Variants in TRMT44 observed in about 807,000 individuals in gnomAD.
TRMT44 encodes the protein tRNA methyltransferase 44 homolog.
TRMT44 carries 78 observed loss-of-function variants against 77.3 expected under a neutral mutation model. The observed-to-expected ratio is 1.01, with a 90% CI of 0.84 to 1.22. The LOEUF (loss-of-function observed/expected upper bound fraction) is 1.22, where lower values mean the gene tolerates loss of function less well. Among genes scored for constraint, TRMT44 ranks in the 50% most tolerant of loss-of-function variants. The probability of loss-of-function intolerance (pLI) is 0.00; values close to 1 mark genes in which losing one functional copy is unlikely to be tolerated. For missense variants in TRMT44, 1,090 were observed against 964.4 expected (o/e 1.13, Z -1.73); for synonymous variants, 391 against 383.3 (o/e 1.02, Z -0.23).
intron 6 of TRMT44, among the ~76,000 whole-genome samples, chr4:8,458,464 CTTTTTTTTTTTT>C (rs56203512): frequency 7.7e-6 from 1 of 130,334 alleles, no homozygotes; most frequent in African/African-American, 2.8e-5. Context: ...CTTTTCTTTT[CTTTTTTTTTTTT>C]TTTTTGAGAC....
At chr4:8,475,695 G>A in intron 10 of TRMT44, 77 bp from the exon 11 acceptor site, 2 of 1,399,438 alleles carry the variant, frequency 1.4e-6, no homozygotes, top group Non-Finnish European at 2.0e-6. Flanking sequence ...CCGTGGCGTG[G>A]GAGCTAAAGA....
At chr4:8,442,836 G>A (rs188081903) in intron 1 of TRMT44, among the ~76,000 whole-genome samples, 4 of 152,328 alleles carry the variant, frequency 2.6e-5, no homozygotes, top group Admixed American at 6.5e-5. Context: ...CTCTCCTGCT[G>A]CTTCTCTCCT....
At chr4:8,466,999 C>T (rs1289402714) in intron 8 of TRMT44, among the ~76,000 whole-genome samples, 1 of 152,178 alleles carries the variant, frequency 6.6e-6, no homozygotes, top group African/African-American at 2.4e-5. Flanking sequence ...TAGTTGATGC[C>T]TGGAGAGGAA....
rs150441746 is a variant in TRMT44 at position 8,468,341 on chromosome 4, G to C, written c.1922G>C (p.Gly641Ala). 246 of 1,613,956 alleles carry C rather than the reference G, an allele frequency of 1.5e-4. No homozygotes were observed. The African/African-American group carries it at 2.6e-3, about 17-fold the overall frequency. ...SRNGSLKTWN[G>A]GESLSLAEVA... is the part of the protein sequence containing the mutation. ...AATGGGAGTTTGAAGACCTGGAATG[G>C]GGGAGGTAAGCTGTCCACCATCTTA... The change falls in exon 9 of 11, where the codon GGG becomes GCG. Residue 641 changes from glycine to alanine, a missense_variant. Transcript: ENST00000389737.
intron 3 of TRMT44, 27 bp downstream of exon 3, chr4:8,449,915 T>C (rs1392639670): frequency 1.1e-5 from 12 of 1,076,158 alleles, no homozygotes; most frequent in Admixed American, 2.6e-5. Flanking sequence ...ATATCTGATT[T>C]TTCCCCCTTC....
At chr4:8,504,140 A>G in the TRMT44 span, among the ~76,000 whole-genome samples, 1 of 116,818 alleles carries the variant, frequency 8.6e-6, no homozygotes, top group African/African-American at 3.9e-5. This position sits in a 1 kb window ranked among gnomAD's most constrained non-coding sequence, Gnocchi z 5.3. Context: ...GGGCTGCATC[A>G]GGGGTCTGCA....
At chr4:8,506,134 G>A in the TRMT44 span, among the ~76,000 whole-genome samples, 3 of 152,244 alleles carry the variant, frequency 2.0e-5, no homozygotes, top group Non-Finnish European at 2.9e-5. Flanking sequence ...GAGGACATGG[G>A]ACACCAGCTA....
intron 2 of TRMT44, among the ~76,000 whole-genome samples, chr4:8,447,260 G>C (rs1034764546): frequency 6.6e-6 from 1 of 152,214 alleles, no homozygotes; most frequent in African/African-American, 2.4e-5. Flanking sequence ...TTATTATAAA[G>C]TAGCGGTTTA....
rs1329753853 is a variant in TRMT44 at position 8,440,943 on chromosome 4, G to T, written c.121G>T (p.Ala41Ser). The stretch of plus-strand genomic sequence containing the variant: ...GGTGGCAAACAAACGGCTTTGCGGC[G>T]CCCGCCTGGAGGCCCGCTGGAGCGC... ...PQVANKRLCG[A>S]RLEARWSAAL... is the part of the protein sequence containing the mutation. The change falls in exon 1 of 11, where the codon GCC (alanine) becomes TCC (serine). Residue 41 changes from alanine (A) to serine (S), a missense_variant. Physicochemically the swap from Ala to Ser is moderately conservative, Grantham distance 99. Coordinates refer to ENST00000389737, the MANE Select transcript of TRMT44 (RefSeq NM_152544.3). 5 of 1,529,480 alleles carry T rather than the reference G, an allele frequency of 3.3e-6. No individual in the cohort carries two copies. The highest frequency in any genetic ancestry group is 2.4e-5 in the South Asian group (2 of 83,178). 94.7% of individuals were successfully genotyped at this position (1,529,480 alleles called of 1,614,324 possible).
intron 2 of TRMT44, among the ~76,000 whole-genome samples, chr4:8,490,453 C>T (rs1338478270): frequency 2.0e-5 from 3 of 151,728 alleles, no homozygotes; most frequent in African/African-American, 7.3e-5. Flanking sequence ...AGTGTTACAG[C>T]TCTTAAGGCA....
Position 8,452,047 on chromosome 4 carries a change from T to G in TRMT44, c.1023+19T>G. The G allele has an allele frequency of 6.5e-7, 1 of 1,535,060 alleles. No individual in the cohort carries two copies. ...CCTGCTGGTAAGGGTGTAAGCGACC[T>G]CAGCTTCTCTGGAGTGGGTGGAGTT... On this transcript the variant is annotated intron_variant, in intron 4 of 10. Coordinates refer to ENST00000389737, the MANE Select transcript of TRMT44 (RefSeq NM_152544.3). The surrounding 1 kb of genome is among the most constrained non-coding windows in gnomAD (Gnocchi z 5.7).
intron 10 of TRMT44, among the ~76,000 whole-genome samples, chr4:8,472,342 G>A (rs1456481897): frequency 2.6e-5 from 4 of 152,206 alleles, no homozygotes; most frequent in Non-Finnish European, 5.9e-5. Context: ...GAGCTGGTCG[G>A]GTTACAGCCG....
chr4:8,496,375 C>A (rs145728264), downstream of TRMT44, among the ~76,000 whole-genome samples: 6 of 152,210 alleles, frequency 3.9e-5, no homozygotes, highest in African/African-American at 1.4e-4. Flanking sequence ...GTTCTTATCC[C>A]GGCCTGCAGC....
In TRMT44 at chr4:8,444,296, G is replaced by A. The variant is rs1724929037; in HGVS notation, c.620-2180G>A. 6.6e-6 allele frequency among the ~76,000 whole-genome samples: 1 copy of A among 152,038 alleles called. No individual in the cohort carries two copies. Among genetic ancestry groups the A allele is most frequent in the African/African-American group, 2.4e-5 (1 of 41,364 alleles). ...GGTGGGAAGGGGAGTGGAGGGTTGG[G>A]GGAGAGGTGGGATGGTTAAAGTGTA... is the stretch of plus-strand genomic sequence containing the variant. On this transcript the variant is annotated intron_variant, in intron 1 of 10. Transcript: ENST00000389737. This position sits in a 1 kb window ranked among gnomAD's most constrained non-coding sequence, Gnocchi z 4.0.
chr4:8,444,608 G>C lies in TRMT44; in HGVS notation c.620-1868G>C, dbSNP rs907045634. ...AGATGGGGTTTCACCATGTTGGCCA[G>C]ACTGGTCTCCTACTCCTGACCTCAC... On this transcript the variant is annotated intron_variant, in intron 1 of 10. Coordinates refer to ENST00000389737, the MANE Select transcript of TRMT44 (RefSeq NM_152544.3). This position sits in a 1 kb window ranked among gnomAD's most constrained non-coding sequence, Gnocchi z 4.0. Among the ~76,000 whole-genome samples, 7 of 152,322 alleles carry C rather than the reference G, an allele frequency of 4.6e-5. No homozygotes were observed. Among genetic ancestry groups the C allele is most frequent in the African/African-American group, 1.7e-4 (7 of 41,578 alleles).
chr4:8,468,138 T>C lies in TRMT44; in HGVS notation c.1719T>C (p.Ala573=). ...GGTGTGTAACCAGGGCCTGGGCCGC[T>C]GAGCATGGAGCAGGGCCCCAGGCTG... is the stretch of plus-strand genomic sequence containing the variant. ...RVGCVTRAWA[A]EHGAGPQAEG... Residue 573 remains alanine (A), a synonymous_variant, in exon 9 of 11, where the codon GCT becomes GCC. Coordinates refer to ENST00000389737, the MANE Select transcript of TRMT44 (RefSeq NM_152544.3). 1 of 1,614,022 alleles carries C rather than the reference T, an allele frequency of 6.2e-7. No individual in the cohort carries two copies. The highest frequency in any genetic ancestry group is 8.5e-7 in the Non-Finnish European group (1 of 1,180,014).
the TRMT44 span, among the ~76,000 whole-genome samples, chr4:8,515,132 ATTTTTGTATT>A: frequency 1.3e-5 from 2 of 151,954 alleles, no homozygotes; most frequent in Non-Finnish European, 2.9e-5. Context: ...TATCCAGCTA[ATTTTTGTATT>A]TTTTTGTAGA....
chr4:8,451,822 C>T lies in TRMT44; in HGVS notation c.955-138C>T, dbSNP rs1725470243. On this transcript the variant is annotated intron_variant, in intron 3 of 10. Transcript: ENST00000389737. This position sits in a 1 kb window ranked among gnomAD's most constrained non-coding sequence, Gnocchi z 4.1. Reference sequence around the variant, plus strand: ...TATTGTAAGAAACCAGTTGTGAATTCCTGCCTTTGAGCTTATGTTTCCTAT... The same window carrying T: ...TATTGTAAGAAACCAGTTGTGAATTTCTGCCTTTGAGCTTATGTTTCCTAT... 1.4e-6 allele frequency: 1 copy of T among 737,648 alleles called. No homozygotes were observed. 45.7% of individuals were successfully genotyped at this position (737,648 alleles called of 1,614,324 possible).
At chr4:8,486,088 C>T (rs1006288335) in intron 2 of TRMT44, among the ~76,000 whole-genome samples, 1 of 152,182 alleles carries the variant, frequency 6.6e-6, no homozygotes. Context: ...GTCAGAGAGC[C>T]TTGGACCAGA....
Sources: allele counts gnomAD v4.1 joint callset (sites outside exome capture counted in the v4.1 genomes callset), GRCh38; gene constraint gnomAD v4.1.1; non-coding constraint Gnocchi (gnomAD v3.1); transcripts MANE v1.5; gene names NCBI Gene and HGNC (gene_info 2026-07-23, HGNC 2026-07-21).